The following DLGAP2 variants were observed in gnomAD, a reference collection of about 807,000 sequenced individuals.
DLGAP2 encodes the protein disks large-associated protein 2.
DLGAP2 carries 26 observed loss-of-function variants against 100.3 expected under a neutral mutation model. The observed-to-expected ratio is 0.26, with a 90% CI of 0.19 to 0.36. The LOEUF (loss-of-function observed/expected upper bound fraction) is 0.36, where lower values mean the gene tolerates loss of function less well. Ranked by LOEUF, DLGAP2 falls within the 10% of genes least tolerant of loss-of-function variation. The probability of loss-of-function intolerance (pLI) is 1.00; values close to 1 mark genes in which losing one functional copy is unlikely to be tolerated. For missense variants in DLGAP2, 1,858 were observed against 1,453.2 expected (o/e 1.28, Z -4.53); for synonymous variants, 886 against 630.1 (o/e 1.41, Z -6.08).
chr8:1,213,093 T>C (rs916141560), intron 2 of DLGAP2, among the ~76,000 whole-genome samples: 2 of 152,170 alleles, frequency 1.3e-5, no homozygotes, highest in Admixed American at 1.3e-4. Flanking sequence ...AACTGTTCAC[T>C]GTCTCAAAGA....
intron 1 of DLGAP2, among the ~76,000 whole-genome samples, chr8:769,341 G>A (rs756982043): frequency 2.0e-5 from 3 of 151,952 alleles, no homozygotes; most frequent in Non-Finnish European, 4.4e-5. Flanking sequence ...ACAAGAACTT[G>A]TTTAAAGGTG....
intron 2 of DLGAP2, among the ~76,000 whole-genome samples, chr8:1,134,224 T>C (rs1279902116): frequency 2.6e-5 from 4 of 152,266 alleles, no homozygotes; most frequent in Non-Finnish European, 5.9e-5. Context: ...CCACATTTTC[T>C]TAATCCAGTC....
intron 1 of DLGAP2, among the ~76,000 whole-genome samples, chr8:886,141 T>C (rs1371219569): frequency 6.6e-6 from 1 of 152,226 alleles, no homozygotes; most frequent in Non-Finnish European, 1.5e-5. Flanking sequence ...GGTATATGCA[T>C]CCAGGAATCT....
chr8:1,337,756 C>T (rs147995226), intron 3 of DLGAP2, among the ~76,000 whole-genome samples: 2 of 152,284 alleles, frequency 1.3e-5, no homozygotes, highest in Non-Finnish European at 2.9e-5. Context: ...AGTGAAAATA[C>T]AACCGATAAA....
intron 1 of DLGAP2, among the ~76,000 whole-genome samples, chr8:840,637 A>G (rs3926607): frequency 0.078 from 7,235 of 93,088 alleles, 1,284 homozygotes; most frequent in East Asian, 0.5. Flanking sequence ...GCACGCCTGC[A>G]TGTCTCCCTA....
Position 1,006,363 on chromosome 8 carries a change from G to A in DLGAP2, c.73+98397G>A, listed in dbSNP as rs181814784. On this transcript the variant is annotated intron_variant, in intron 2 of 14. Coordinates refer to ENST00000637795, the MANE Select transcript of DLGAP2 (RefSeq NM_001346810.2). ...AGGGGTGCCCTGCGTCTCAAGTCTC[G>A]CGAGGTGGTCCTTTATCACGTCGGG... is the stretch of plus-strand genomic sequence containing the variant. 8.2e-4 allele frequency among the ~76,000 whole-genome samples: 125 copies of A among 151,622 alleles called. 1 individual carries two copies. Among genetic ancestry groups the A allele is most frequent in the Admixed American group, 1.2e-3 (19 of 15,218 alleles).
intron 1 of DLGAP2, among the ~76,000 whole-genome samples, chr8:846,445 A>T (rs117155762): frequency 0.03 from 4,642 of 152,210 alleles, 108 homozygotes; most frequent in Non-Finnish European, 0.046. Flanking sequence ...ATATTCATCC[A>T]TGTTGCCCAA....
At chr8:1,417,723 C>A (rs1244856597) in intron 3 of DLGAP2, among the ~76,000 whole-genome samples, 1 of 147,952 alleles carries the variant, frequency 6.8e-6, no homozygotes, top group Admixed American at 6.6e-5. Context: ...CGGCGAGGCT[C>A]CAGACACAGA....
chr8:1,373,870 C>T (rs890734617), intron 3 of DLGAP2: 11 of 152,316 alleles, frequency 7.2e-5, no homozygotes, highest in African/African-American at 2.7e-4. Context: ...AGAGAATGCT[C>T]TCCACAGTAC....
chr8:1,209,193 A>T (rs937374856), intron 2 of DLGAP2, among the ~76,000 whole-genome samples: 1 of 152,238 alleles, frequency 6.6e-6, no homozygotes, highest in African/African-American at 2.4e-5. Context: ...TGCATAGCCA[A>T]AGCAAGACTA....
At chr8:1,548,588 G>A (rs1412358043) in intron 4 of DLGAP2, 38 bp from the exon 5 acceptor site, 11 of 1,444,306 alleles carry the variant, frequency 7.6e-6, no homozygotes, top group South Asian at 7.1e-5. Context: ...TTTCCGCCGC[G>A]CTTCCGGGTG....
intron 8 of DLGAP2, among the ~76,000 whole-genome samples, chr8:1,653,365 A>G (rs1256090999): frequency 6.6e-6 from 1 of 152,194 alleles, no homozygotes; most frequent in Non-Finnish European, 1.5e-5. Context: ...CTGGGGTCAT[A>G]GGGCTTCCTG....
At chr8:1,431,194 G>A (rs1290856846) in intron 3 of DLGAP2, among the ~76,000 whole-genome samples, 2 of 152,208 alleles carry the variant, frequency 1.3e-5, no homozygotes, top group Admixed American at 6.5e-5. Flanking sequence ...TTTCATGCCT[G>A]TTACAGGCCG....
rs570141340 is a variant in DLGAP2 at position 1,690,322 on chromosome 8, G to C, written c.2705-1213G>C. ...AGTGAGCCAAGATGACGCCACTGCA[G>C]TCCAGCCTAGGTGACAGAGCGAGAC... On this transcript the variant is annotated intron_variant, in intron 12 of 14. Coordinates refer to ENST00000637795, the MANE Select transcript of DLGAP2 (RefSeq NM_001346810.2). Among the ~76,000 whole-genome samples, 22 of 151,082 alleles carry C rather than the reference G, an allele frequency of 1.5e-4. No individual in the cohort carries two copies. In the East Asian group the frequency reaches 3.2e-3, roughly 22 times the overall value.
At chr8:1,135,503 G>GTTTTTTTTTTTTTTTTTTTTTTTTTT in intron 2 of DLGAP2, among the ~76,000 whole-genome samples, 1 of 92,194 alleles carries the variant, frequency 1.1e-5, no homozygotes, top group Non-Finnish European at 2.0e-5. Context: ...TTTTTTGTGG[G>GTTTTTTTTTTTTTTTTTTTTTTTTTT]TTTTTTTTTT....
intron 3 of DLGAP2, among the ~76,000 whole-genome samples, chr8:1,285,708 C>T (rs544107573): frequency 6.6e-6 from 1 of 152,186 alleles, no homozygotes; most frequent in Admixed American, 6.5e-5. Flanking sequence ...CTGGCTCATG[C>T]CTGTAATCCC....
chr8:1,683,421 A>G (rs1489930485), intron 12 of DLGAP2, among the ~76,000 whole-genome samples: 3 of 151,320 alleles, frequency 2.0e-5, no homozygotes, highest in Non-Finnish European at 4.4e-5. Flanking sequence ...GCCTGTGGGG[A>G]GGGTCTGTGC....
intron 7 of DLGAP2, among the ~76,000 whole-genome samples, chr8:1,628,349 G>A (rs1213283404): frequency 1.4e-5 from 2 of 146,182 alleles, no homozygotes; most frequent in East Asian, 4.1e-4. Context: ...TTACTGTGGA[G>A]CAGGGATTAA....
intron 3 of DLGAP2, among the ~76,000 whole-genome samples, chr8:1,431,027 A>G (rs1797416135): frequency 6.6e-6 from 1 of 152,220 alleles, no homozygotes; most frequent in Non-Finnish European, 1.5e-5. Flanking sequence ...TCTTACGGAA[A>G]GGAACAAAGC....
Sources: gnomAD v4.1 joint callset for allele counts (sites outside exome capture counted in the v4.1 genomes callset) on GRCh38, gnomAD v4.1.1 for gene constraint, MANE v1.5 for transcripts, NCBI Gene and HGNC (gene_info 2026-07-23, HGNC 2026-07-21) for gene names.